Variants in SETBP1 observed in about 807,000 individuals in gnomAD.
SETBP1 encodes the protein SET-binding protein.
Under a neutral mutation model 101.0 loss-of-function variants are expected in SETBP1, and 9 were observed. That is an observed-to-expected ratio of 0.09 (90% confidence interval 0.05 to 0.16). SETBP1 has a LOEUF of 0.16. Ranked by LOEUF, SETBP1 falls within the 10% of genes least tolerant of loss-of-function variation. The probability of loss-of-function intolerance (pLI) is 1.00; values close to 1 mark genes in which losing one functional copy is unlikely to be tolerated. For synonymous variants in SETBP1, 818 were observed against 788.5 expected (o/e 1.04, Z -0.63); for missense variants, 1,858 against 2,033.8 (o/e 0.91, Z 1.66).
chr18:44,884,018 C>T (rs185292307), intron 3 of SETBP1, among the ~76,000 whole-genome samples: 96 of 152,270 alleles, frequency 6.3e-4, no homozygotes, highest in African/African-American at 1.9e-3. Context: ...TTGAAAGAGG[C>T]GGATTTTAGT....
intron 2 of SETBP1, among the ~76,000 whole-genome samples, chr18:44,708,414 CTT>C (rs892246963): frequency 6.6e-6 from 1 of 152,190 alleles, no homozygotes; most frequent in African/African-American, 2.4e-5. Context: ...AATTTCCCCT[CTT>C]GTTTCATTTT....
At chr18:44,972,147 T>G (rs1215750378) in intron 4 of SETBP1, among the ~76,000 whole-genome samples, 6 of 152,192 alleles carry the variant, frequency 3.9e-5, no homozygotes, top group Middle Eastern at 3.4e-3. Flanking sequence ...TTTCCCCATT[T>G]CTTATTTTTG....
chr18:44,875,198 G>A (rs1299598024), intron 3 of SETBP1, among the ~76,000 whole-genome samples: 1 of 152,118 alleles, frequency 6.6e-6, no homozygotes, highest in African/African-American at 2.4e-5. Context: ...GACATCAGCT[G>A]TCTACAAGTT....
intron 2 of SETBP1, among the ~76,000 whole-genome samples, chr18:44,820,218 A>C (rs2072081893): frequency 6.6e-6 from 1 of 152,216 alleles, no homozygotes; most frequent in African/African-American, 2.4e-5. Context: ...TTGGGTTTGG[A>C]ATCACAGTGC....
chr18:44,876,619 C>T, intron 3 of SETBP1: 1 of 1,551,496 alleles, frequency 6.4e-7, no homozygotes. Flanking sequence ...CCAAGGCATC[C>T]CATTCAAAAA....
At chr18:44,991,925 G>A (rs1015119312) in intron 4 of SETBP1, among the ~76,000 whole-genome samples, 1 of 152,168 alleles carries the variant, frequency 6.6e-6, no homozygotes, top group East Asian at 1.9e-4. Context: ...CAATGTCATA[G>A]AGATTGTATT....
chr18:44,824,038 C>G (rs1256656652), intron 2 of SETBP1, among the ~76,000 whole-genome samples: 1 of 152,184 alleles, frequency 6.6e-6, no homozygotes, highest in African/African-American at 2.4e-5. Context: ...CATTCTCACC[C>G]TAACCTCCAT....
Position 44,950,192 on chromosome 18 carries a change from G to A in SETBP1, c.852G>A (p.Leu284=). The change falls in exon 4 of 6, where the codon CTG becomes CTA. Residue 284 remains leucine, a synonymous_variant. Coordinates refer to ENST00000649279, the MANE Select transcript of SETBP1 (RefSeq NM_015559.3). ...AGTTGTCTAACAATAACAAAGATCTGCTCTTGGGAGGTGTGGCTCCATCCC... is the reference window on the plus strand; with the variant it reads ...AGTTGTCTAACAATAACAAAGATCTACTCTTGGGAGGTGTGGCTCCATCCC... The part of the protein sequence containing the change: ...WSQLSNNNKD[L]LLGGVAPSPS... The A allele has an allele frequency of 1.2e-6, 2 of 1,613,878 alleles. No individual in the cohort carries two copies. Among genetic ancestry groups the A allele is most frequent in the South Asian group, 1.1e-5 (1 of 91,084 alleles).
At chr18:44,825,708 C>G (rs1465884043) in intron 2 of SETBP1, among the ~76,000 whole-genome samples, 1 of 152,184 alleles carries the variant, frequency 6.6e-6, no homozygotes, top group African/African-American at 2.4e-5. Context: ...ATGCAGATTT[C>G]TTGATGCAGA....
chr18:44,691,518 C>T (rs2068932930), intron 1 of SETBP1, among the ~76,000 whole-genome samples: 1 of 152,270 alleles, frequency 6.6e-6, no homozygotes, highest in African/African-American at 2.4e-5. Flanking sequence ...ACACAAGGGT[C>T]ATGCTGTTGT....
At chr18:44,791,534 A>T (rs1291857051) in intron 2 of SETBP1, among the ~76,000 whole-genome samples, 1 of 152,210 alleles carries the variant, frequency 6.6e-6, no homozygotes, top group East Asian at 1.9e-4. Context: ...TGGGGGACAC[A>T]TTCAGGGTTT....
chr18:44,742,935 G>A (rs566718341), intron 2 of SETBP1, among the ~76,000 whole-genome samples: 4 of 151,266 alleles, frequency 2.6e-5, no homozygotes, highest in Admixed American at 2.6e-4. Flanking sequence ...CATTGTGTCT[G>A]GCTCTCCCTC....
chr18:44,773,838 A>ATGTGTGTGTGTGTGTGTGTGTGTGTG (rs61649185), intron 2 of SETBP1, among the ~76,000 whole-genome samples: 5 of 134,172 alleles, frequency 3.7e-5, no homozygotes, highest in Non-Finnish European at 7.8e-5. Flanking sequence ...CTCTCTGTTT[A>ATGTGTGTGTGTGTGTGTGTGTGTGTG]TGTGTGTGTG....
intron 2 of SETBP1, among the ~76,000 whole-genome samples, chr18:44,857,028 TA>T (rs1463391610): frequency 6.6e-6 from 1 of 152,242 alleles, no homozygotes; most frequent in African/African-American, 2.4e-5. Context: ...CAATTTTTCT[TA>T]TCTAGTTATA....
At chr18:44,862,695 C>T (rs2069041195) in intron 2 of SETBP1, among the ~76,000 whole-genome samples, 1 of 152,184 alleles carries the variant, frequency 6.6e-6, no homozygotes, top group South Asian at 2.1e-4. Flanking sequence ...ATCCATAGTA[C>T]AAGACTATCT....
chr18:44,976,744 C>T (rs1309235741), intron 4 of SETBP1, among the ~76,000 whole-genome samples: 1 of 152,164 alleles, frequency 6.6e-6, no homozygotes, highest in East Asian at 1.9e-4. Flanking sequence ...TGTGCCCCAG[C>T]CCTTTTGTCT....
intron 3 of SETBP1, among the ~76,000 whole-genome samples, chr18:44,895,317 TGAAG>T (rs540170191): frequency 6.1e-4 from 23 of 37,946 alleles, no homozygotes; most frequent in Non-Finnish European, 8.7e-4. Context: ...AGAGAGGGAG[TGAAG>T]GAAGGAAGGA....
chr18:44,859,838 A>G (rs1453731539), intron 2 of SETBP1, among the ~76,000 whole-genome samples: 1 of 152,204 alleles, frequency 6.6e-6, no homozygotes, highest in Non-Finnish European at 1.5e-5. Flanking sequence ...CTGCAACTAC[A>G]AGGTTCAGTT....
intron 2 of SETBP1, among the ~76,000 whole-genome samples, chr18:44,848,427 G>A (rs998832677): frequency 3.9e-5 from 6 of 152,176 alleles, no homozygotes; most frequent in African/African-American, 1.4e-4. Flanking sequence ...CAGAAAAGCT[G>A]TCTTTGCTCA....
Sources: gnomAD v4.1 joint callset for allele counts (sites outside exome capture counted in the v4.1 genomes callset) on GRCh38, gnomAD v4.1.1 for gene constraint, MANE v1.5 for transcripts, NCBI Gene and HGNC (gene_info 2026-07-23, HGNC 2026-07-21) for gene names.